Variants in CA11 observed in about 807,000 individuals in gnomAD.
The protein encoded by CA11 is carbonic anhydrase 11 (inactive), also known as carbonic anhydrase-related protein 11.
Under a neutral mutation model 39.3 loss-of-function variants are expected in CA11, and 20 were observed. The observed-to-expected ratio is 0.51, with a 90% CI of 0.36 to 0.74. The LOEUF is 0.74. Ranked by LOEUF, CA11 falls within the 30% of genes least tolerant of loss-of-function variation. CA11 has a pLI of 0.00. For synonymous variants in CA11, 166 were observed against 172.5 expected (o/e 0.96, Z 0.29); for missense variants, 336 against 424.6 (o/e 0.79, Z 1.83).
In CA11 at chr19:48,644,482, C is replaced by T. The variant is rs1310036764; in HGVS notation, c.230G>A (p.Arg77Lys). Residue 77 changes from arginine (R) to lysine (K), a missense_variant, in exon 3 of 9, where the codon AGG becomes AAG. Physicochemically the swap from Arg to Lys is conservative, Grantham distance 26 (BLOSUM62 2). Transcript: ENST00000084798. Reference sequence around the variant, plus strand: ...GGGCAGAAAGGGGTCATAAAGAACCCTCTTCAGCTCCACATCCACGGGGCT... The same window carrying T: ...GGGCAGAAAGGGGTCATAAAGAACCTTCTTCAGCTCCACATCCACGGGGCT... Reference protein sequence around the residue: ...RQSPVDVELKRVLYDPFLPPL... With the variant: ...RQSPVDVELKKVLYDPFLPPL... 6.2e-7 allele frequency: 1 copy of T among 1,611,946 alleles called. No individual in the cohort carries two copies. Among genetic ancestry groups the T allele is most frequent in the South Asian group, 1.1e-5 (1 of 90,834 alleles).
rs781678825 is a variant in CA11, at chr19:48,645,539, G to A, written c.67+27C>T. On this transcript the variant is annotated intron_variant, in intron 1 of 8. Coordinates refer to ENST00000084798, the MANE Select transcript of CA11 (RefSeq NM_001217.5). ...TCCCCACCTCCACCCTCCCTCGGGG[G>A]CTCCTCCCGGGAACCCCAGGTCTTA... The A allele has an allele frequency of 3.1e-5, 49 of 1,597,534 alleles. No individual in the cohort carries two copies. The South Asian group carries it at 4.2e-4, about 14-fold the overall frequency.
chr19:48,639,003 C>G lies in CA11; in HGVS notation c.846G>C (p.Gln282His), dbSNP rs2030961191. 6.2e-7 allele frequency: 1 copy of G among 1,613,942 alleles called. No individual in the cohort carries two copies. The highest frequency in any genetic ancestry group is 2.2e-5 in the East Asian group (1 of 44,854). The change falls in exon 8 of 9, where the codon CAG becomes CAC. Residue 282 changes from glutamine to histidine, a missense_variant. Physicochemically the swap from Gln to His is conservative, Grantham distance 24 (BLOSUM62 0). Transcript: ENST00000084798. Reference sequence around the variant, plus strand: ...GGGGCCGGCTGTTACCGCTGAGGCTCTGGAAGATCTGAGATGGAGGATTCT... The same window carrying G: ...GGGGCCGGCTGTTACCGCTGAGGCTGTGGAAGATCTGAGATGGAGGATTCT... ...LSQNPPSQIF[Q>H]SLSGNSRPLQ... is the part of the protein sequence containing the mutation.
At chr19:48,642,077 GC>G (rs1377637647) in intron 3 of CA11, among the ~76,000 whole-genome samples, 1 of 152,146 alleles carries the variant, frequency 6.6e-6, no homozygotes, top group Non-Finnish European at 1.5e-5. Context: ...CCCTGAGGTG[GC>G]CTGTTTGAGT....
chr19:48,640,063 A>T (rs1373418279), intron 4 of CA11, 32 bp downstream of exon 4: 8 of 1,602,592 alleles, frequency 5.0e-6, no homozygotes, highest in Non-Finnish European at 6.0e-6. Context: ...CTCAGGGCGG[A>T]GGGTGGCGGG....
chr19:48,638,334 TC>T, intron 8 of CA11, 190 bp from the exon 9 acceptor site: 1 of 905,678 alleles, frequency 1.1e-6, no homozygotes, highest in Non-Finnish European at 1.3e-6. Context: ...AATCGGGACG[TC>T]CAGATTCAGC....
At chr19:48,641,877 C>T (rs1601190027) in intron 3 of CA11, among the ~76,000 whole-genome samples, 2 of 137,812 alleles carry the variant, frequency 1.5e-5, no homozygotes, top group African/African-American at 5.6e-5. Context: ...GTTGCCCAGG[C>T]TGGTCTTAAA....
At chr19:48,645,363 C>T in intron 2 of CA11, 40 bp downstream of exon 2, 1 of 1,540,736 alleles carries the variant, frequency 6.5e-7, no homozygotes, top group South Asian at 1.2e-5. Flanking sequence ...GAAGGAGGCG[C>T]CGGGAGGGCC....
In CA11 at chr19:48,639,622, C is replaced by T; in HGVS notation, c.568-1G>A. ...GGAATGGGTTAGAGGTACTGGCAAC[C>T]TGTGTGGGGGTACGAGGTGAGGACA... On this transcript the variant is annotated splice_acceptor_variant, in intron 5 of 8. Coordinates refer to ENST00000084798, the MANE Select transcript of CA11 (RefSeq NM_001217.5). LOFTEE classifies it high-confidence loss of function. 6.2e-7 allele frequency: 1 copy of T among 1,613,800 alleles called. No homozygotes were observed. Among genetic ancestry groups the T allele is most frequent in the Non-Finnish European group, 8.5e-7 (1 of 1,179,894 alleles).
At position 48,639,563 on chromosome 19, in the gene CA11, C is replaced by T. The variant is rs772181062; in HGVS notation, c.626G>A (p.Arg209His). The T allele has an allele frequency of 8.1e-5, 130 of 1,613,800 alleles. No individual in the cohort carries two copies. The highest frequency in any genetic ancestry group is 1.0e-4 in the Non-Finnish European group (119 of 1,179,956). ...SRLLNRDTITRISYKNDAYFL... is the reference protein window; with the variant it reads ...SRLLNRDTITHISYKNDAYFL... ...CAGGGACTTACTCTTGTAGGAGATG[C>T]GAGTGATGGTGTCGCGGTTAAGGAG... The change falls in exon 6 of 9, where the codon CGC becomes CAC. Residue 209 changes from arginine to histidine, a missense_variant. Coordinates refer to ENST00000084798, the MANE Select transcript of CA11 (RefSeq NM_001217.5).
chr19:48,644,512 C>T lies in CA11; in HGVS notation c.200G>A (p.Arg67Gln), dbSNP rs776001311. 45 of 1,611,702 alleles carry T rather than the reference C, an allele frequency of 2.8e-5. No individual in the cohort carries two copies. Among genetic ancestry groups the T allele is most frequent in the Admixed American group, 8.4e-5 (5 of 59,854 alleles). ...AAWSLCAVGK[R>Q]QSPVDVELKR... ...CAGCTCCACATCCACGGGGCTCTGC[C>T]GCTTCCCCACAGCACACAGACTCCA... Residue 67 changes from arginine to glutamine, a missense_variant, in exon 3 of 9, where the codon CGG becomes CAG. Arg to Gln is a conservative substitution (Grantham distance 43, BLOSUM62 1). Coordinates refer to ENST00000084798, the MANE Select transcript of CA11 (RefSeq NM_001217.5).
chr19:48,638,398 AC>A, intron 8 of CA11: 2 of 769,006 alleles, frequency 2.6e-6, no homozygotes, highest in Non-Finnish European at 3.2e-6. Context: ...TGTGGACTGT[AC>A]CATGTTGCGA....
chr19:48,640,768 G>A (rs1328909004), intron 3 of CA11, among the ~76,000 whole-genome samples: 1 of 151,386 alleles, frequency 6.6e-6, no homozygotes, highest in Non-Finnish European at 1.5e-5. Context: ...TCCGCCTCCC[G>A]GGTTCACGCC....
intron 1 of CA11, 44 bp from the exon 2 acceptor site, chr19:48,645,521 C>T (rs765211990): frequency 1.9e-6 from 3 of 1,597,810 alleles, no homozygotes; most frequent in East Asian, 4.5e-5. Context: ...GCATCCCCAC[C>T]TCCACCCTCC....
In CA11 at chr19:48,645,847, C is replaced by G. The variant is rs2031234275; in HGVS notation, c.-215G>C. 26 of 533,726 alleles carry G rather than the reference C, an allele frequency of 4.9e-5. No homozygotes were observed. The South Asian group carries it at 6.9e-4, about 14-fold the overall frequency. The allele number at this position is 533,726 out of a possible 1,614,324, so 33.1% of individuals were successfully genotyped here. ...TCTCTCCCGTCTCTCTGTGTCTTTC[C>G]TCTTTCCTCTGCTCTTTTCCCGGAA... On this transcript the variant is annotated 5_prime_UTR_variant, in exon 1 of 9. Transcript: ENST00000084798.
At chr19:48,638,769 G>C in intron 8 of CA11, 119 bp downstream of exon 8, 1 of 1,099,928 alleles carries the variant, frequency 9.1e-7, no homozygotes, top group Non-Finnish European at 1.3e-6. Flanking sequence ...GACAGCTCAC[G>C]AGGCTAGACC....
rs549668589 is a variant in CA11 at position 48,645,390 on chromosome 19, G to C, written c.142+13C>G. 2.8e-5 allele frequency: 44 copies of C among 1,570,640 alleles called. No homozygotes were observed. In the Admixed American group the frequency reaches 4.7e-4, roughly 17 times the overall value. On this transcript the variant is annotated intron_variant, in intron 2 of 8. Transcript: ENST00000084798. ...GGGAGGGCCGGACTCCTGGGTCCCC[G>C]CCTTGGCGGCACCTGGCACGAAGTT... is the stretch of plus-strand genomic sequence containing the variant.
rs548906769 is a variant in CA11 at position 48,644,538 on chromosome 19, C to G, written c.174G>C (p.Ala58=). The stretch of plus-strand genomic sequence containing the variant: ...GCTTCCCCACAGCACACAGACTCCA[C>G]GCTGCATTCACCAGGCCCCAGAAAG... ...GPPFWGLVNA[A]WSLCAVGKRQ... is the part of the protein sequence containing the mutation. The change falls in exon 3 of 9, where the codon GCG becomes GCC. Residue 58 remains alanine (A), a synonymous_variant. Coordinates refer to ENST00000084798, the MANE Select transcript of CA11 (RefSeq NM_001217.5). 4 of 1,605,536 alleles carry G rather than the reference C, an allele frequency of 2.5e-6. No individual in the cohort carries two copies. Among genetic ancestry groups the G allele is most frequent in the Admixed American group, 1.7e-5 (1 of 59,226 alleles).
Position 48,640,165 on chromosome 19 carries a change from C to A in CA11, c.401G>T (p.Arg134Leu). 6.2e-7 allele frequency: 1 copy of A among 1,614,026 alleles called. No homozygotes were observed. The highest frequency in any genetic ancestry group is 8.5e-7 in the Non-Finnish European group (1 of 1,180,012). ...LLYSHRLSEL[R>L]LLFGARDGAG... ...TCCGTCGCGAGCTCCAAACAGCAGC[C>A]GCAGTTCACTGAGTCGGTGGCTGTA... The change falls in exon 4 of 9, where the codon CGG (arginine) becomes CTG (leucine). Residue 134 changes from arginine to leucine, a missense_variant. Transcript: ENST00000084798.
rs760574976 is a variant in CA11 at position 48,639,286 on chromosome 19, G to A, written c.795+19C>T. ...TGGAGTACCCAGGCCTAGGAAGGGC[G>A]GTGCGGACAGAGGGTCACCTGAAGG... On this transcript the variant is annotated intron_variant, in intron 7 of 8. Transcript: ENST00000084798. The A allele has an allele frequency of 2.4e-5, 39 of 1,612,070 alleles. No individual in the cohort carries two copies. The Middle Eastern group carries it at 3.2e-3, about 130-fold the overall frequency.
Sources: allele counts gnomAD v4.1 joint callset (sites outside exome capture counted in the v4.1 genomes callset), GRCh38; gene constraint gnomAD v4.1.1; transcripts MANE v1.5; gene names NCBI Gene and HGNC (gene_info 2026-07-23, HGNC 2026-07-21).